The following CNOT2 variants were observed in gnomAD, a reference collection of about 807,000 sequenced individuals.
CNOT2 encodes CC chemokine receptor 4-negative regulator of transcription 2.
In CNOT2, 7 loss-of-function variants were observed where a neutral mutation model predicts 72.1. That is an observed-to-expected ratio of 0.10 (90% CI 0.06 to 0.18). The LOEUF (loss-of-function observed/expected upper bound fraction) is 0.18. Ranked by LOEUF, CNOT2 falls within the 10% of genes least tolerant of loss-of-function variation. The pLI, the probability that CNOT2 is intolerant of heterozygous loss-of-function variation, is 1.00. For missense variants in CNOT2, 345 were observed against 660.3 expected, an observed-to-expected ratio of 0.52 and a Z score of 5.23; for synonymous variants, 196 against 225.6, an observed-to-expected ratio of 0.87 and a Z score of 1.17.
chr12:70,254,682 T>C (rs1040257678), intron 1 of CNOT2, among the ~76,000 whole-genome samples: 4 of 152,098 alleles, frequency 2.6e-5, no homozygotes, highest in African/African-American at 9.7e-5. Flanking sequence ...TTTATTTAAA[T>C]AGATATCTGG....
intron 8 of CNOT2, 93 bp downstream of exon 8, chr12:70,335,656 G>T: frequency 1.2e-6 from 1 of 862,736 alleles, no homozygotes. Flanking sequence ...ATGCTTGTGT[G>T]TGTACACATG....
chr12:70,342,219 A>G (rs1881603852), intron 12 of CNOT2, 39 bp from the exon 13 acceptor site: 1 of 1,612,844 alleles, frequency 6.2e-7, no homozygotes, highest in Admixed American at 1.7e-5. Context: ...TTTACAATTG[A>G]GAATCAGTTA....
chr12:70,334,900 A>G (rs1205863743), intron 7 of CNOT2: 1 of 152,798 alleles, frequency 6.5e-6, no homozygotes, highest in African/African-American at 2.4e-5. Context: ...AAATGCGCAC[A>G]TGCGCACGCA....
At chr12:70,251,688 C>A (rs1027082520) in intron 1 of CNOT2, among the ~76,000 whole-genome samples, 1 of 152,122 alleles carries the variant, frequency 6.6e-6, no homozygotes, top group African/African-American at 2.4e-5. Context: ...CTCCATTAAA[C>A]AAATTGAGTA....
At chr12:70,284,562 A>G (rs1355739343) in intron 2 of CNOT2, among the ~76,000 whole-genome samples, 1 of 149,610 alleles carries the variant, frequency 6.7e-6, no homozygotes, top group Non-Finnish European at 1.5e-5. Context: ...AAATTTTTAA[A>G]AATAAAATTT....
chr12:70,309,006 C>CA (rs1268961523), intron 2 of CNOT2, among the ~76,000 whole-genome samples: 1 of 152,094 alleles, frequency 6.6e-6, no homozygotes, highest in East Asian at 1.9e-4. Context: ...TTTCAAAAAA[C>CA]AAACTTCTAA....
chr12:70,329,351 C>T, intron 4 of CNOT2, 72 bp from the exon 5 acceptor site: 2 of 1,277,304 alleles, frequency 1.6e-6, no homozygotes, highest in Non-Finnish European at 2.3e-6. Context: ...CTTAAATCGC[C>T]AACTCCAGAA....
At chr12:70,352,253 C>T (rs1408143554) in intron 15 of CNOT2, among the ~76,000 whole-genome samples, 1 of 50 alleles carries the variant, frequency 0.02, no homozygotes, top group African/African-American at 0.056. Flanking sequence ...GTGCCGCTTA[C>T]TGATGACTTG....
At chr12:70,288,136 C>CTTTTTTTTTTTTTTTTTTTTTTTTTTT (rs68143994) in intron 2 of CNOT2, among the ~76,000 whole-genome samples, 4 of 86,668 alleles carry the variant, frequency 4.6e-5, no homozygotes, top group Non-Finnish European at 4.4e-5. Flanking sequence ...TGGTGTAGCT[C>CTTTTTTTTTTTTTTTTTTTTTTTTTTT]TTTTTTTTTT....
intron 1 of CNOT2, among the ~76,000 whole-genome samples, chr12:70,248,346 G>C (rs1263062476): frequency 6.6e-6 from 1 of 152,108 alleles, no homozygotes; most frequent in African/African-American, 2.4e-5. Context: ...AATTTAAAAA[G>C]CTCTGAAAGT....
intron 15 of CNOT2, among the ~76,000 whole-genome samples, chr12:70,353,095 C>T (rs1184333012): frequency 3.5e-5 from 5 of 144,440 alleles, no homozygotes; most frequent in East Asian, 2.1e-4. Context: ...TTTTTTTAGA[C>T]GGAGTCTTGC....
intron 15 of CNOT2, among the ~76,000 whole-genome samples, chr12:70,350,480 T>G (rs536146921): frequency 6.6e-6 from 1 of 152,218 alleles, no homozygotes; most frequent in Non-Finnish European, 1.5e-5. Context: ...TAATATGGAT[T>G]TATTATACAG....
At chr12:70,335,940 C>G (rs576937201) in intron 8 of CNOT2, 1 of 162,680 alleles carries the variant, frequency 6.1e-6, no homozygotes, top group Non-Finnish European at 1.3e-5. Context: ...TTAATAATGA[C>G]TGACTATACA....
chr12:70,308,584 T>TCTCTCTCTCTCTCTCTCTCTCA (rs550679130), intron 2 of CNOT2, among the ~76,000 whole-genome samples: 2 of 133,328 alleles, frequency 1.5e-5, no homozygotes, highest in African/African-American at 5.6e-5. Context: ...TCTCTCTCTC[T>TCTCTCTCTCTCTCTCTCTCTCA]CACACACACA....
chr12:70,322,437 C>A (rs1236340998), intron 4 of CNOT2: 2 of 151,752 alleles, frequency 1.3e-5, no homozygotes, highest in African/African-American at 2.4e-5. Context: ...GTTGCATTTA[C>A]CTTTTCTTAG....
At position 70,338,527 on chromosome 12, in the gene CNOT2, A is replaced by C; in HGVS notation, c.985A>C (p.Asn329His). The C allele has an allele frequency of 6.2e-7, 1 of 1,613,240 alleles. No homozygotes were observed. The highest frequency in any genetic ancestry group is 8.5e-7 in the Non-Finnish European group (1 of 1,179,512). ...TAAAAGTTCAACAACACAAAATAAT[A>C]ACCAGCAGAAAAAAGGGATCCAGGT... ...GDKSSTTQNN[N>H]QQKKGIQVLP... is the part of the protein sequence containing the mutation. Residue 329 changes from asparagine to histidine, a missense_variant, in exon 10 of 16, where the codon AAC (asparagine) becomes CAC (histidine). Asn to His is a moderately conservative substitution (Grantham distance 68). Coordinates refer to ENST00000229195, the MANE Select transcript of CNOT2 (RefSeq NM_014515.7).
intron 1 of CNOT2, among the ~76,000 whole-genome samples, chr12:70,272,463 G>A (rs544023042): frequency 4.6e-5 from 7 of 152,336 alleles, no homozygotes; most frequent in African/African-American, 1.7e-4. Flanking sequence ...CTGACTGGAT[G>A]TGTTTGAGAA....
intron 1 of CNOT2, among the ~76,000 whole-genome samples, chr12:70,247,725 TTGTTTA>T (rs1267671949): frequency 6.6e-6 from 1 of 152,238 alleles, no homozygotes; most frequent in Non-Finnish European, 1.5e-5. Flanking sequence ...TGGCCTTGAC[TTGTTTA>T]TGTTTATGTT....
chr12:70,340,845 C>T (rs771951013), intron 11 of CNOT2, among the ~76,000 whole-genome samples: 38 of 151,674 alleles, frequency 2.5e-4, no homozygotes, highest in Non-Finnish European at 4.9e-4. Context: ...CTGCTCAACA[C>T]CCAGTAAATG....
Sources: allele counts gnomAD v4.1 joint callset (sites outside exome capture counted in the v4.1 genomes callset), GRCh38; gene constraint gnomAD v4.1.1; transcripts MANE v1.5; gene names NCBI Gene and HGNC (gene_info 2026-07-23, HGNC 2026-07-21).